The following ETF1 variants were observed in gnomAD, a reference collection of about 807,000 sequenced individuals.
ETF1 encodes the protein eukaryotic peptide chain release factor subunit 1.
In ETF1, 4 loss-of-function variants were observed where a neutral mutation model predicts 55.1. The ratio of observed to expected loss-of-function variants is 0.07; its 90% confidence interval spans 0.04 to 0.17. The LOEUF is 0.17. Ranked by LOEUF, ETF1 falls within the 10% of genes least tolerant of loss-of-function variation. The pLI, the probability that ETF1 is intolerant of heterozygous loss-of-function variation, is 1.00. For synonymous variants in ETF1, 157 were observed against 182.3 expected (o/e 0.86, Z 1.12); for missense variants, 142 against 523.6 (o/e 0.27, Z 7.11).
Position 138,512,244 on chromosome 5 carries a change from ATATATATATATATATT to A in ETF1, c.732+504_732+519del, listed in dbSNP as rs1213676681. Among the ~76,000 whole-genome samples the A allele has an allele frequency of 4.5e-3, 33 of 7,294 alleles. 3 individuals are homozygous for A. The highest frequency in any genetic ancestry group is 0.011 in the African/African-American group (32 of 2,926). The allele number at this position is 7,294 out of a possible 152,430, so 4.8% of individuals were successfully genotyped here. On this transcript the variant is annotated intron_variant, in intron 6 of 10. Transcript: ENST00000360541. Reference sequence around the variant, plus strand: ...AAAAAAAATATATATATATATATATATATATATATATATATTTTTTTTTTTTTTTAAAGGCAATTTC... The same window carrying A: ...AAAAAAAATATATATATATATATATATTTTTTTTTTTTTAAAGGCAATTTC...
intron 7 of ETF1, 106 bp downstream of exon 7, chr5:138,511,369 C>T: frequency 6.5e-7 from 1 of 1,528,974 alleles, no homozygotes; most frequent in Non-Finnish European, 8.8e-7. Flanking sequence ...TACCTTGTCT[C>T]ATACATACAA....
chr5:138,522,578 T>C (rs1191739382), intron 2 of ETF1, among the ~76,000 whole-genome samples: 2 of 148,786 alleles, frequency 1.3e-5, no homozygotes, highest in Admixed American at 1.3e-4. Flanking sequence ...TTATTCATAA[T>C]AGTAAAAAAA....
At chr5:138,536,721 C>G (rs1765950081) in intron 2 of ETF1, among the ~76,000 whole-genome samples, 1 of 152,190 alleles carries the variant, frequency 6.6e-6, no homozygotes. Context: ...TCCTACTCTT[C>G]AAATAGGATC....
chr5:138,508,624 C>T (rs753261365), intron 10 of ETF1, 45 bp downstream of exon 10: 3 of 1,608,714 alleles, frequency 1.9e-6, no homozygotes, highest in Non-Finnish European at 2.5e-6. Context: ...GGGACCTTGA[C>T]CTGAGACCCT....
intron 8 of ETF1, 99 bp from the exon 9 acceptor site, chr5:138,510,728 C>T: frequency 7.5e-6 from 11 of 1,463,654 alleles, no homozygotes; most frequent in Non-Finnish European, 1.0e-5. Flanking sequence ...GGCTCAGGGA[C>T]TCAATCTCTC....
intron 2 of ETF1, among the ~76,000 whole-genome samples, chr5:138,531,079 T>A (rs548220904): frequency 6.6e-6 from 1 of 152,274 alleles, no homozygotes; most frequent in East Asian, 1.9e-4. Context: ...GGAAACTTAA[T>A]CCCCACTGCA....
At chr5:138,540,395 T>C (rs1330475611) in intron 2 of ETF1, among the ~76,000 whole-genome samples, 1 of 152,222 alleles carries the variant, frequency 6.6e-6, no homozygotes, top group African/African-American at 2.4e-5. Context: ...CTTAAGTCTT[T>C]AAAGCCCATT....
In ETF1 at chr5:138,508,153, T is replaced by G. The variant is rs2127058377; in HGVS notation, c.*152A>C. The stretch of plus-strand genomic sequence containing the variant: ...GTGTAGGGCTGGGTCTGGTTTTGTT[T>G]CGGTTTTCTTTTCAATATCCAATGC... On this transcript the variant is annotated 3_prime_UTR_variant, in exon 11 of 11. Transcript: ENST00000360541. 2 of 994,932 alleles carry G rather than the reference T, an allele frequency of 2.0e-6. No homozygotes were observed. Among genetic ancestry groups the G allele is most frequent in the South Asian group, 3.7e-5 (2 of 53,456 alleles). The allele number at this position is 994,932 out of a possible 1,614,324, so 61.6% of individuals were successfully genotyped here. A position where few individuals can be genotyped will look rare whatever the true frequency, so the allele number is the denominator to read the frequency against.
intron 2 of ETF1, among the ~76,000 whole-genome samples, chr5:138,535,399 C>T (rs993767112): frequency 2.7e-5 from 4 of 149,590 alleles, no homozygotes; most frequent in Non-Finnish European, 5.9e-5. Context: ...GGCACGATCT[C>T]GGCTCACTGC....
At chr5:138,532,682 G>A (rs1319898581) in intron 2 of ETF1, among the ~76,000 whole-genome samples, 1 of 152,168 alleles carries the variant, frequency 6.6e-6, no homozygotes, top group Admixed American at 6.5e-5. Context: ...ACCTTTACGG[G>A]ATTACAGGAC....
intron 4 of ETF1, among the ~76,000 whole-genome samples, chr5:138,515,427 A>AAAAAAG (rs1207018667): frequency 5.9e-5 from 9 of 152,230 alleles, no homozygotes; most frequent in East Asian, 3.8e-4. Context: ...TCAATCTCAG[A>AAAAAAG]AAAAAGAAAA....
intron 2 of ETF1, chr5:138,542,555 C>T (rs573963613): frequency 7.6e-5 from 95 of 1,254,536 alleles, no homozygotes; most frequent in Non-Finnish European, 8.9e-5. Flanking sequence ...ACTTAAGGGC[C>T]CGGGAGAGGT....
chr5:138,519,188 G>A (rs1467445107), intron 2 of ETF1: 1 of 985,002 alleles, frequency 1.0e-6, no homozygotes, highest in Non-Finnish European at 1.2e-6. Flanking sequence ...CAACAGGCTG[G>A]AATTTGGTAG....
chr5:138,513,404 G>T, intron 5 of ETF1, 164 bp downstream of exon 5: 2 of 302,316 alleles, frequency 6.6e-6, no homozygotes, highest in Non-Finnish European at 9.7e-6. Context: ...ATTTTTAGTA[G>T]AGACAGGGCC....
chr5:138,531,837 G>T (rs1765712051), intron 2 of ETF1, among the ~76,000 whole-genome samples: 1 of 152,172 alleles, frequency 6.6e-6, no homozygotes. Flanking sequence ...ACGAGGTCAG[G>T]AGATTGAGAT....
chr5:138,542,970 G>C, intron 1 of ETF1, 34 bp from the exon 2 acceptor site: 4 of 1,599,856 alleles, frequency 2.5e-6, no homozygotes, highest in South Asian at 2.2e-5. Flanking sequence ...GAGACACCAA[G>C]ACCACAGAGT....
At chr5:138,520,306 T>G (rs569683630) in intron 2 of ETF1, among the ~76,000 whole-genome samples, 7 of 151,814 alleles carry the variant, frequency 4.6e-5, no homozygotes, top group Non-Finnish European at 8.8e-5. Context: ...GAGACCCTTA[T>G]GAACACCTCC....
intron 1 of ETF1, 21 bp from the exon 2 acceptor site, chr5:138,542,957 C>G (rs772452156): frequency 1.2e-6 from 2 of 1,609,254 alleles, no homozygotes; most frequent in East Asian, 2.2e-5. Flanking sequence ...CCGGCGGGGC[C>G]CGGAGACACC....
chr5:138,513,235 C>G, intron 5 of ETF1: 1 of 983,980 alleles, frequency 1.0e-6, no homozygotes, highest in African/African-American at 1.7e-5. Flanking sequence ...ACTGTTTTCT[C>G]TCTCTCTCTT....
Sources: gnomAD v4.1 joint callset for allele counts (sites outside exome capture counted in the v4.1 genomes callset) on GRCh38, gnomAD v4.1.1 for gene constraint, MANE v1.5 for transcripts, NCBI Gene and HGNC (gene_info 2026-07-23, HGNC 2026-07-21) for gene names.